Variants in RECQL5 observed in about 807,000 individuals in gnomAD.
RECQL5 encodes the protein ATP-dependent DNA helicase Q5.
A neutral mutation model predicts 103.4 loss-of-function variants in RECQL5; 88 were observed. The observed-to-expected ratio is 0.85, with a 90% confidence interval of 0.72 to 1.02. RECQL5 has a LOEUF of 1.02. Among genes scored for constraint, RECQL5 ranks in the 50% least tolerant of loss-of-function variants. The pLI is 0.00. For missense variants in RECQL5, 1,232 were observed against 1,284.3 expected (o/e 0.96, Z 0.62); for synonymous variants, 552 against 507.9 (o/e 1.09, Z -1.17).
At chr17:75,656,437 A>G (rs2059621480) in intron 7 of RECQL5, among the ~76,000 whole-genome samples, 1 of 151,962 alleles carries the variant, frequency 6.6e-6, no homozygotes, top group Non-Finnish European at 1.5e-5. Flanking sequence ...ATTCCTAAGT[A>G]TTTTATAAGT....
intron 8 of RECQL5, chr17:75,648,957 T>G (rs1003474636): frequency 6.6e-6 from 1 of 152,192 alleles, no homozygotes; most frequent in Non-Finnish European, 1.5e-5. Flanking sequence ...CCTCCCAAAG[T>G]GCTGGTATAA....
chr17:75,654,787 T>A (rs1392514818), intron 7 of RECQL5, among the ~76,000 whole-genome samples: 1 of 151,866 alleles, frequency 6.6e-6, no homozygotes, highest in Non-Finnish European at 1.5e-5. Flanking sequence ...GCTCAGCTAA[T>A]TTTTTTTATT....
At chr17:75,661,750 C>G (rs1369956415) in intron 4 of RECQL5, 42 bp from the exon 5 acceptor site, 2 of 1,462,970 alleles carry the variant, frequency 1.4e-6, no homozygotes, top group Non-Finnish European at 1.9e-6. Context: ...ATAGCAAGAA[C>G]AGAACAATAG....
intron 7 of RECQL5, among the ~76,000 whole-genome samples, chr17:75,657,840 G>A (rs1160418173): frequency 6.6e-6 from 1 of 151,342 alleles, no homozygotes; most frequent in Non-Finnish European, 1.5e-5. Context: ...ACGAGGTCAT[G>A]AGATCGAGAC....
Position 75,627,317 on chromosome 17 carries a change from G to A in RECQL5, c.*105C>T. On this transcript the variant is annotated 3_prime_UTR_variant, in exon 20 of 20. Transcript: ENST00000317905. ...CAAAGCCAAGTATGGTTGGAAAGGA[G>A]AAGGACTGAGAAAAGACGATGGCCC... is the stretch of plus-strand genomic sequence containing the variant. 2.3e-6 allele frequency: 2 copies of A among 885,394 alleles called. No individual in the cohort carries two copies. The highest frequency in any genetic ancestry group is 2.8e-5 in the South Asian group (2 of 71,024). The allele number at this position is 885,394 out of a possible 1,614,324, so 54.8% of individuals were successfully genotyped here.
At chr17:75,632,247 CTG>C (rs2148241339) in intron 8 of RECQL5, among the ~76,000 whole-genome samples, 1 of 152,352 alleles carries the variant, frequency 6.6e-6, no homozygotes, top group African/African-American at 2.4e-5. Flanking sequence ...GTGAATACCA[CTG>C]TGTTACAACT....
chr17:75,649,424 C>G (rs1568276066), intron 8 of RECQL5: 1 of 157,242 alleles, frequency 6.4e-6, no homozygotes, highest in Non-Finnish European at 1.4e-5. Context: ...ATCTTTTCTG[C>G]TGGTCCCACT....
intron 8 of RECQL5, chr17:75,650,215 G>A: frequency 4.0e-6 from 4 of 989,968 alleles, no homozygotes; most frequent in Non-Finnish European, 4.8e-6. Context: ...TCCTGGCACT[G>A]CAGCCGACCA....
Position 75,629,046 on chromosome 17 carries a change from C to T in RECQL5, c.2377G>A (p.Gly793Arg). The T allele has an allele frequency of 1.2e-6, 2 of 1,600,560 alleles. No homozygotes were observed. ...GGGGCCATCGGGGGTCCCTGAACCC[C>T]CTCACAGGAGGGGCAGGCACCTTCT... ...EAEGACPSCE[G>R]VQGPPMAPEK... The change falls in exon 16 of 20, where the codon GGG becomes AGG. Residue 793 changes from glycine to arginine, a missense_variant. Transcript: ENST00000317905.
chr17:75,632,572 G>A (rs535671436), intron 8 of RECQL5, among the ~76,000 whole-genome samples: 7 of 152,348 alleles, frequency 4.6e-5, no homozygotes, highest in South Asian at 2.1e-4. Context: ...TCCTCCTCTC[G>A]TCTTCCTCTG....
chr17:75,633,997 C>A, intron 8 of RECQL5: 1 of 985,528 alleles, frequency 1.0e-6, no homozygotes. Context: ...TCCTCGGGCT[C>A]CCCCTCGCGA....
intron 7 of RECQL5, among the ~76,000 whole-genome samples, chr17:75,653,770 C>T (rs1443043698): frequency 6.6e-6 from 1 of 151,878 alleles, no homozygotes; most frequent in African/African-American, 2.4e-5. Context: ...TGGTGGTGGG[C>T]GCCTGTAATC....
At chr17:75,665,551 A>T (rs1326726899) in intron 2 of RECQL5, among the ~76,000 whole-genome samples, 3 of 152,090 alleles carry the variant, frequency 2.0e-5, no homozygotes, top group Admixed American at 6.5e-5. Flanking sequence ...TTACCCAGGC[A>T]TGGTGGCACG....
rs985738952 is a variant in RECQL5, at chr17:75,640,090, C to T, written c.1230-8422G>A. 11 of 1,394,576 alleles carry T rather than the reference C, an allele frequency of 7.9e-6. No homozygotes were observed. In the African/African-American group the frequency reaches 1.0e-4, roughly 13 times the overall value. The allele number at this position is 1,394,576 out of a possible 1,614,324, so 86.4% of individuals were successfully genotyped here. A position where few individuals can be genotyped will look rare whatever the true frequency, so the allele number is the denominator to read the frequency against. ...TTGTTCTGCGGGCTGCGGATGGGTGCGAGGGTGGAATCTCGGTGCTGCGAC... is the reference window on the plus strand; with the variant it reads ...TTGTTCTGCGGGCTGCGGATGGGTGTGAGGGTGGAATCTCGGTGCTGCGAC... On this transcript the variant is annotated intron_variant, in intron 8 of 19. Coordinates refer to ENST00000317905, the MANE Select transcript of RECQL5 (RefSeq NM_004259.7). This position sits in a 1 kb window ranked among gnomAD's most constrained non-coding sequence, Gnocchi z 4.6.
intron 6 of RECQL5, among the ~76,000 whole-genome samples, chr17:75,660,569 A>G (rs1444714781): frequency 6.6e-6 from 1 of 152,238 alleles, no homozygotes; most frequent in Non-Finnish European, 1.5e-5. Context: ...CAACTCCATT[A>G]CAATCTTACA....
At position 75,639,773 on chromosome 17, in the gene RECQL5, A is replaced by G. The variant is rs531774455; in HGVS notation, c.1230-8105T>C. 66 of 158,086 alleles carry G rather than the reference A, an allele frequency of 4.2e-4. 1 individual carries two copies. Among genetic ancestry groups the G allele is most frequent in the Non-Finnish European group, 7.4e-4 (53 of 71,840 alleles). 9.8% of individuals were successfully genotyped at this position (158,086 alleles called of 1,614,324 possible). On this transcript the variant is annotated intron_variant, in intron 8 of 19. Transcript: ENST00000317905. Reference sequence around the variant, plus strand: ...GCTCCTTCTGTCCCCACATTGATGGAAGGCAAGAGTACCAGCTTGGCATCC... The same window carrying G: ...GCTCCTTCTGTCCCCACATTGATGGGAGGCAAGAGTACCAGCTTGGCATCC...
chr17:75,658,262 G>C, intron 7 of RECQL5, 36 bp downstream of exon 7: 1 of 1,598,354 alleles, frequency 6.3e-7, no homozygotes, highest in Non-Finnish European at 8.5e-7. Context: ...AGAGTGGTGG[G>C]TCAGACTGAA....
intron 8 of RECQL5, chr17:75,650,044 T>C (rs1888398965): frequency 1.0e-6 from 1 of 985,502 alleles, no homozygotes; most frequent in African/African-American, 1.7e-5. Flanking sequence ...AGAGCTTTTT[T>C]CAGCAAACAG....
At chr17:75,662,409 T>G (rs820159) in intron 4 of RECQL5, 70 bp downstream of exon 4, 1 of 1,503,412 alleles carries the variant, frequency 6.7e-7, no homozygotes, top group Non-Finnish European at 9.0e-7. Flanking sequence ...GGTCTTAGAC[T>G]AATCTCCATC....
Sources: gnomAD v4.1 joint callset for allele counts (sites outside exome capture counted in the v4.1 genomes callset) on GRCh38, gnomAD v4.1.1 for gene constraint, Gnocchi (gnomAD v3.1) non-coding constraint, MANE v1.5 for transcripts, NCBI Gene and HGNC (gene_info 2026-07-23, HGNC 2026-07-21) for gene names.